Variants in PCDHGA5 observed in about 807,000 individuals in gnomAD.
PCDHGA5 encodes the protein protocadherin gamma subfamily A, 5, also known as protocadherin gamma-A5.
PCDHGA5 carries 36 observed loss-of-function variants against 56.7 expected under a neutral mutation model. That is an observed-to-expected ratio of 0.64 (90% CI 0.49 to 0.84). The LOEUF (loss-of-function observed/expected upper bound fraction) is 0.84, where lower values mean the gene tolerates loss of function less well. Among genes scored for constraint, PCDHGA5 ranks in the 40% least tolerant of loss-of-function variants. The pLI, the probability that PCDHGA5 is intolerant of heterozygous loss-of-function variation, is 0.00. For synonymous variants in PCDHGA5, 563 were observed against 520.2 expected (o/e 1.08, Z -1.12); for missense variants, 1,305 against 1,201.5 (o/e 1.09, Z -1.27).
chr5:141,421,593 G>A lies in PCDHGA5; in HGVS notation c.2421+54842G>A, dbSNP rs780085355. ...CCTTGAAGATTTACGGAGTGGAGGTGGAAATAATAGATATTAATGATAACG... is the reference window on the plus strand; with the variant it reads ...CCTTGAAGATTTACGGAGTGGAGGTAGAAATAATAGATATTAATGATAACG... On this transcript the variant is annotated intron_variant, in intron 1 of 3. Coordinates refer to ENST00000518069, the MANE Select transcript of PCDHGA5 (RefSeq NM_018918.3). 6 of 1,613,840 alleles carry A rather than the reference G, an allele frequency of 3.7e-6. No individual in the cohort carries two copies. In the East Asian group the frequency reaches 1.1e-4, roughly 30 times the overall value.
At chr5:141,409,680 C>G (rs756713114) in intron 1 of PCDHGA5, 1 of 1,613,360 alleles carries the variant, frequency 6.2e-7, no homozygotes, top group Non-Finnish European at 8.5e-7. Context: ...TCTATAGTGG[C>G]GAGTGACCTA....
In PCDHGA5 at chr5:141,365,319, G is replaced by C. The variant is rs745669256; in HGVS notation, c.989G>C (p.Ser330Thr). Reference protein sequence around the residue: ...VAQDGGALVASAKVVVTVQDV... With the variant: ...VAQDGGALVATAKVVVTVQDV... ...CAGGATGGAGGCGCTCTTGTTGCCA[G>C]CGCTAAGGTGGTGGTCACAGTACAG... The change falls in exon 1 of 4, where the codon AGC becomes ACC. Residue 330 changes from serine to threonine, a missense_variant. Ser to Thr is a moderately conservative substitution (Grantham distance 58). Transcript: ENST00000518069. The C allele has an allele frequency of 2.1e-5, 34 of 1,613,864 alleles. No individual in the cohort carries two copies. Among genetic ancestry groups the C allele is most frequent in the Non-Finnish European group, 2.9e-5 (34 of 1,179,902 alleles).
At chr5:141,481,747 T>A (rs1319673737) in intron 1 of PCDHGA5, among the ~76,000 whole-genome samples, 3 of 151,684 alleles carry the variant, frequency 2.0e-5, no homozygotes, top group African/African-American at 7.3e-5. Flanking sequence ...AGGTCAGGAG[T>A]CCAAGACCAG....
intron 1 of PCDHGA5, chr5:141,441,516 C>T (rs1034274864): frequency 4.0e-5 from 7 of 173,082 alleles, no homozygotes; most frequent in Non-Finnish European, 8.7e-5. Flanking sequence ...ACGTCGTCCA[C>T]GTGGCCAAGA....
At chr5:141,498,632 A>G (rs2099784830) in intron 2 of PCDHGA5, among the ~76,000 whole-genome samples, 1 of 152,118 alleles carries the variant, frequency 6.6e-6, no homozygotes, top group South Asian at 2.1e-4. Context: ...CACTGCCTAG[A>G]CAGAAGGAAG....
intron 1 of PCDHGA5, chr5:141,392,821 C>G: frequency 6.3e-7 from 1 of 1,594,632 alleles, no homozygotes; most frequent in Non-Finnish European, 8.5e-7. Context: ...ACAATGGCCG[C>G]TCCACAGAGT....
At chr5:141,438,610 A>G (rs2098013566) in intron 1 of PCDHGA5, among the ~76,000 whole-genome samples, 1 of 30,060 alleles carries the variant, frequency 3.3e-5, no homozygotes, top group African/African-American at 2.4e-4. Flanking sequence ...ATATATATAT[A>G]TATATATATA....
chr5:141,441,823 C>A (rs538052540), intron 1 of PCDHGA5: 6 of 357,336 alleles, frequency 1.7e-5, no homozygotes, highest in South Asian at 7.1e-5. Flanking sequence ...AGCTCTGGAG[C>A]GCAATGGCTT....
intron 1 of PCDHGA5, chr5:141,441,448 A>T (rs1415765869): frequency 1.2e-5 from 2 of 161,528 alleles, no homozygotes; most frequent in Non-Finnish European, 2.7e-5. Context: ...CAGCCCAAGC[A>T]TCACCCTACT....
At chr5:141,472,980 C>CAAAAAAAAAAAA (rs60579131) in intron 1 of PCDHGA5, among the ~76,000 whole-genome samples, 2 of 86,098 alleles carry the variant, frequency 2.3e-5, no homozygotes, top group African/African-American at 3.9e-5. Context: ...GAGTGAAACT[C>CAAAAAAAAAAAA]AAAAAAAAAA....
chr5:141,370,097 C>T (rs1368287584), intron 1 of PCDHGA5, among the ~76,000 whole-genome samples: 2 of 152,174 alleles, frequency 1.3e-5, no homozygotes. Flanking sequence ...AGTACACTGC[C>T]GATTTTTCTC....
chr5:141,487,258 G>A lies in PCDHGA5; in HGVS notation c.2422-7549G>A, dbSNP rs368598017. The A allele has an allele frequency of 3.7e-6, 6 of 1,614,026 alleles. No homozygotes were observed. Among genetic ancestry groups the A allele is most frequent in the Non-Finnish European group, 4.2e-6 (5 of 1,180,030 alleles). On this transcript the variant is annotated intron_variant, in intron 1 of 3. Transcript: ENST00000518069. The surrounding 1 kb of genome is among the most constrained non-coding windows in gnomAD (Gnocchi z 5.0). ...CTCGTCTAACCCTCTACTTGGCTGT[G>A]TCCCTAGTGGCAATTTGCTTTGTCT...
chr5:141,418,579 A>C, intron 1 of PCDHGA5: 1 of 1,614,000 alleles, frequency 6.2e-7, no homozygotes. Context: ...ACAACCCCCC[A>C]GTGTTCAGCC....
At chr5:141,430,484 C>T (rs894612928) in intron 1 of PCDHGA5, 2 of 256,238 alleles carry the variant, frequency 7.8e-6, no homozygotes, top group African/African-American at 4.4e-5. Context: ...GATATAAAAA[C>T]GAAATATCCT....
intron 1 of PCDHGA5, among the ~76,000 whole-genome samples, chr5:141,483,294 T>G (rs1392406131): frequency 2.0e-5 from 3 of 152,100 alleles, no homozygotes; most frequent in Non-Finnish European, 4.4e-5. Flanking sequence ...CAGTCATAAG[T>G]GAAGGGACTG....
intron 1 of PCDHGA5, chr5:141,393,114 CG>C: frequency 6.2e-7 from 1 of 1,613,418 alleles, no homozygotes; most frequent in Non-Finnish European, 8.5e-7. Flanking sequence ...TCAGAGCCCG[CG>C]GTGTCTGATA....
At chr5:141,473,169 C>T (rs141382764) in intron 1 of PCDHGA5, among the ~76,000 whole-genome samples, 2 of 152,286 alleles carry the variant, frequency 1.3e-5, no homozygotes, top group East Asian at 3.9e-4. Context: ...GGAAGGCCCA[C>T]TGGTAACTTG....
chr5:141,486,371 G>T lies in PCDHGA5; in HGVS notation c.2422-8436G>T. 1.9e-6 allele frequency: 3 copies of T among 1,614,138 alleles called. No homozygotes were observed. The highest frequency in any genetic ancestry group is 2.5e-6 in the Non-Finnish European group (3 of 1,180,010). On this transcript the variant is annotated intron_variant, in intron 1 of 3. Coordinates refer to ENST00000518069, the MANE Select transcript of PCDHGA5 (RefSeq NM_018918.3). The surrounding 1 kb of genome is among the most constrained non-coding windows in gnomAD (Gnocchi z 5.0). ...CCACTTGCCATTTGCCCTCAAGTCT[G>T]CCTTCAGGAACCAGTTCTCCCTGGT...
chr5:141,370,464 T>C (rs1766931580), intron 1 of PCDHGA5: 1 of 1,613,018 alleles, frequency 6.2e-7, no homozygotes, highest in Middle Eastern at 1.7e-4. Context: ...CCTGCTCTCT[T>C]TGTTAGACCA....
Sources: allele counts gnomAD v4.1 joint callset (sites outside exome capture counted in the v4.1 genomes callset), GRCh38; gene constraint gnomAD v4.1.1; non-coding constraint Gnocchi (gnomAD v3.1); transcripts MANE v1.5; gene names NCBI Gene and HGNC (gene_info 2026-07-23, HGNC 2026-07-21).